The following ACIN1 variants were observed in gnomAD, a reference collection of about 807,000 sequenced individuals.
ACIN1 encodes apoptotic chromatin condensation inducer in the nucleus.
Under a neutral mutation model 146.6 loss-of-function variants are expected in ACIN1, and 16 were observed. The ratio of observed to expected loss-of-function variants is 0.11; its 90% CI spans 0.07 to 0.17. The LOEUF (loss-of-function observed/expected upper bound fraction) is 0.17. Among genes scored for constraint, ACIN1 ranks in the 10% least tolerant of loss-of-function variants. The pLI is 1.00. For missense variants in ACIN1, 1,357 were observed against 1,609.3 expected (o/e 0.84, Z 2.68); for synonymous variants, 569 against 582.7 (o/e 0.98, Z 0.34).
In ACIN1 at chr14:23,081,830, C is replaced by G. The variant is rs2047950895; in HGVS notation, c.443G>C (p.Ser148Thr). 1.2e-6 allele frequency: 2 copies of G among 1,608,570 alleles called. No homozygotes were observed. Among genetic ancestry groups the G allele is most frequent in the Admixed American group, 1.7e-5 (1 of 59,122 alleles). Residue 148 changes from serine (S) to threonine (T), a missense_variant, in exon 5 of 19, where the codon AGC (serine) becomes ACC (threonine). Transcript: ENST00000605057. Reference sequence around the variant, plus strand: ...ACCTTTCTCTTCAGAAATTGAGGAGCTTTTTCCTATTGAATGAAAAAGAAT... The same window carrying G: ...ACCTTTCTCTTCAGAAATTGAGGAGGTTTTTCCTATTGAATGAAAAAGAAT... ...LELSRHSPRK[S>T]SSISEEKGDS...
At chr14:23,076,280 C>T (rs536978536) in intron 8 of ACIN1, among the ~76,000 whole-genome samples, 114 of 152,272 alleles carry the variant, frequency 7.5e-4, no homozygotes, top group African/African-American at 2.6e-3. Flanking sequence ...AAAGCAGGTA[C>T]GAGTGATGTG....
At position 23,059,124 on chromosome 14, in the gene ACIN1, C is replaced by G. The variant is rs371022754; in HGVS notation, c.*24G>C. 1.2e-6 allele frequency: 2 copies of G among 1,607,546 alleles called. No homozygotes were observed. The highest frequency in any genetic ancestry group is 1.7e-6 in the Non-Finnish European group (2 of 1,176,156). On this transcript the variant is annotated 3_prime_UTR_variant, in exon 19 of 19. Transcript: ENST00000605057. ...ACCCCCTGGGGCCGAGTGGCTGGTA[C>G]CTGCAGCTCTAGTGTTTTCCCAGCT... is the stretch of plus-strand genomic sequence containing the variant.
At chr14:23,094,453 T>C in intron 1 of ACIN1, 1 of 985,118 alleles carries the variant, frequency 1.0e-6, no homozygotes, top group East Asian at 1.1e-4. Context: ...GACCTCTCTC[T>C]CATCAAGTCC....
rs1594744089 is a variant in ACIN1 at position 23,063,345 on chromosome 14, C to G, written c.2737+91G>C. 4 of 1,478,288 alleles carry G rather than the reference C, an allele frequency of 2.7e-6. No homozygotes were observed. In the East Asian group the frequency reaches 9.2e-5, roughly 34 times the overall value. The allele number at this position is 1,478,288 out of a possible 1,614,324, so 91.6% of individuals were successfully genotyped here. ...ATATACGAAAAAATATAATGAAAGGCAGGAAACATTCAAAGCTTTCAGCGA... is the reference window on the plus strand; with the variant it reads ...ATATACGAAAAAATATAATGAAAGGGAGGAAACATTCAAAGCTTTCAGCGA... On this transcript the variant is annotated intron_variant, in intron 13 of 18. Coordinates refer to ENST00000605057, the MANE Select transcript of ACIN1 (RefSeq NM_001386863.1).
chr14:23,063,562 C>G lies in ACIN1; in HGVS notation c.2611G>C (p.Gly871Arg). 6.2e-7 allele frequency: 1 copy of G among 1,614,206 alleles called. No homozygotes were observed. The highest frequency in any genetic ancestry group is 8.5e-7 in the Non-Finnish European group (1 of 1,180,036). ...TCTTCCCTCTGCCCATTCTCCTGGC[C>G]CTCTGCAGGTACTACCTATCAAGGT... ...RTVTQVVPAE[G>R]QENGQREEEE... Residue 871 changes from glycine to arginine, a missense_variant, in exon 13 of 19, where the codon GGC becomes CGC. This residue lies in a region of ACIN1 where 509 missense variants were observed against 719.6 expected (regional missense o/e 0.71). Coordinates refer to ENST00000605057, the MANE Select transcript of ACIN1 (RefSeq NM_001386863.1).
At chr14:23,094,014 T>C (rs1409970068) in intron 1 of ACIN1, among the ~76,000 whole-genome samples, 2 of 138,242 alleles carry the variant, frequency 1.4e-5, no homozygotes, top group Admixed American at 7.1e-5. Context: ...CTGTGGCACC[T>C]AGATTTATCA....
chr14:23,071,460 T>C (rs2047650348), intron 8 of ACIN1: 1 of 1,551,698 alleles, frequency 6.4e-7, no homozygotes, highest in Non-Finnish European at 8.7e-7. Context: ...TTGGTCTCTC[T>C]GGAGAAGGAG....
intron 1 of ACIN1, chr14:23,094,452 CTCA>C: frequency 1.0e-6 from 1 of 985,008 alleles, no homozygotes; most frequent in Non-Finnish European, 1.2e-6. Flanking sequence ...AGACCTCTCT[CTCA>C]TCAAGTCCCT....
In ACIN1 at chr14:23,067,891, T is replaced by TG. The variant is rs2047509878; in HGVS notation, c.2265+1584dup. The TG allele has an allele frequency of 1.0e-6, 1 of 985,758 alleles. No individual in the cohort carries two copies. Among genetic ancestry groups the TG allele is most frequent in the African/African-American group, 1.7e-5 (1 of 57,240 alleles). 61.1% of individuals were successfully genotyped at this position (985,758 alleles called of 1,614,324 possible). On this transcript the variant is annotated intron_variant, in intron 9 of 18. Transcript: ENST00000605057. The surrounding 1 kb of genome is among the most constrained non-coding windows in gnomAD (Gnocchi z 4.6). ...GGGGGTAGGTGAATACCCCAGGACCTGGCAGACATTCAGCAGCAAGGTCAG... is the reference window on the plus strand; with the variant it reads ...GGGGGTAGGTGAATACCCCAGGACCTGGGCAGACATTCAGCAGCAAGGTCAG...
chr14:23,061,720 TC>T, intron 16 of ACIN1, 98 bp from the exon 17 acceptor site: 1 of 1,141,842 alleles, frequency 8.8e-7, no homozygotes, highest in Non-Finnish European at 1.2e-6. Flanking sequence ...ACGCCTGTAA[TC>T]CCAGCACTTT....
At chr14:23,059,934 C>T (rs1377895600) in intron 18 of ACIN1, among the ~76,000 whole-genome samples, 4 of 147,940 alleles carry the variant, frequency 2.7e-5, no homozygotes, top group Non-Finnish European at 4.4e-5. Context: ...GGATTACAGG[C>T]GTGAGCCACC....
Position 23,063,034 on chromosome 14 carries a change from C to T in ACIN1, c.2778G>A (p.Gln926=). The T allele has an allele frequency of 6.2e-7, 1 of 1,613,724 alleles. No individual in the cohort carries two copies. Among genetic ancestry groups the T allele is most frequent in the Non-Finnish European group, 8.5e-7 (1 of 1,179,932 alleles). Residue 926 remains glutamine, a synonymous_variant, in exon 14 of 19, where the codon CAG becomes CAA. Coordinates refer to ENST00000605057, the MANE Select transcript of ACIN1 (RefSeq NM_001386863.1). The stretch of plus-strand genomic sequence containing the variant: ...TGGTAATGGAAACTCCGGACTTCTG[C>T]TGGCTAATGGAACGTCGAGTTAAGG... ...GDTLTRRSIS[Q]QKSGVSITID... is the part of the protein sequence containing the mutation.
Position 23,080,925 on chromosome 14 carries a change from G to C in ACIN1, c.526-116C>G, listed in dbSNP as rs533421886. The C allele has an allele frequency of 1.1e-5, 16 of 1,480,428 alleles. No homozygotes were observed. In the African/African-American group the frequency reaches 1.7e-4, roughly 16 times the overall value. The allele number at this position is 1,480,428 out of a possible 1,614,324, so 91.7% of individuals were successfully genotyped here. On this transcript the variant is annotated intron_variant, in intron 5 of 18. Coordinates refer to ENST00000605057, the MANE Select transcript of ACIN1 (RefSeq NM_001386863.1). ...AGAAATTCAATGATATATACTTTCA[G>C]CAACAGAAACAGGAGTGACAGGAGA... is the stretch of plus-strand genomic sequence containing the variant.
chr14:23,067,599 A>T lies in ACIN1; in HGVS notation c.2266-1591T>A. The stretch of plus-strand genomic sequence containing the variant: ...GGCTCAGCGAGGGATAGAGGGGGGA[A>T]AGGGGCAGAGACATCAGTCCTGGCC... On this transcript the variant is annotated intron_variant, in intron 9 of 18. Coordinates refer to ENST00000605057, the MANE Select transcript of ACIN1 (RefSeq NM_001386863.1). This position sits in a 1 kb window ranked among gnomAD's most constrained non-coding sequence, Gnocchi z 4.6. 1 of 985,906 alleles carries T rather than the reference A, an allele frequency of 1.0e-6. No homozygotes were observed. The highest frequency in any genetic ancestry group is 1.1e-4 in the East Asian group (1 of 8,822). The allele number at this position is 985,906 out of a possible 1,614,324, so 61.1% of individuals were successfully genotyped here. A position where few individuals can be genotyped will look rare whatever the true frequency, so the allele number is the denominator to read the frequency against.
chr14:23,095,173 A>G (rs767036634), upstream of ACIN1: 3 of 1,614,080 alleles, frequency 1.9e-6, no homozygotes, highest in Non-Finnish European at 2.5e-6. Flanking sequence ...ATTTCCGCCA[A>G]CGCCCTTCGA....
At chr14:23,059,720 C>T (rs546523101) in intron 18 of ACIN1, among the ~76,000 whole-genome samples, 1 of 149,560 alleles carries the variant, frequency 6.7e-6, no homozygotes, top group East Asian at 2.0e-4. Flanking sequence ...GTGGCACGAT[C>T]TCGGCTCACT....
intron 4 of ACIN1, among the ~76,000 whole-genome samples, chr14:23,089,478 T>C (rs566798630): frequency 2.0e-5 from 3 of 152,360 alleles, no homozygotes; most frequent in East Asian, 1.9e-4. Context: ...CCTTGCACAG[T>C]AGCCAAAACA....
intron 3 of ACIN1, 68 bp downstream of exon 3, chr14:23,090,454 G>T (rs758543078): frequency 5.2e-6 from 7 of 1,355,514 alleles, no homozygotes; most frequent in Non-Finnish European, 7.3e-6. Flanking sequence ...TAGTTAGACA[G>T]GCCTATCTAC....
intron 1 of ACIN1, chr14:23,094,430 C>A (rs2048313638): frequency 2.0e-6 from 2 of 979,586 alleles, no homozygotes; most frequent in Non-Finnish European, 2.4e-6. Flanking sequence ...CCACTAGATG[C>A]CACTAAATTA....
Sources: allele counts gnomAD v4.1 joint callset (sites outside exome capture counted in the v4.1 genomes callset), GRCh38; gene constraint gnomAD v4.1.1; regional missense constraint gnomAD v4.1.1; non-coding constraint Gnocchi (gnomAD v3.1); transcripts MANE v1.5; gene names NCBI Gene and HGNC (gene_info 2026-07-23, HGNC 2026-07-21).